Variants in RIMS2 observed in about 807,000 individuals in gnomAD.
RIMS2 encodes regulating synaptic membrane exocytosis protein 2.
RIMS2 carries 59 observed loss-of-function variants against 174.4 expected under a neutral mutation model. That is an observed-to-expected ratio of 0.34 (90% confidence interval 0.27 to 0.42). The LOEUF is 0.42. Among genes scored for constraint, RIMS2 ranks in the 10% least tolerant of loss-of-function variants. RIMS2 has a pLI of 1.00. For synonymous variants in RIMS2, 606 were observed against 572.5 expected (o/e 1.06, Z -0.84); for missense variants, 1,620 against 1,666.3 (o/e 0.97, Z 0.48).
intron 1 of RIMS2, among the ~76,000 whole-genome samples, chr8:103,623,324 C>T (rs930403240): frequency 1.3e-5 from 2 of 151,972 alleles, no homozygotes; most frequent in Admixed American, 6.5e-5. Context: ...AATTAAAGTA[C>T]AGAACACATT....
At chr8:103,599,906 A>G (rs541998614) in intron 1 of RIMS2, among the ~76,000 whole-genome samples, 7 of 151,966 alleles carry the variant, frequency 4.6e-5, no homozygotes, top group African/African-American at 1.7e-4. Flanking sequence ...ATCCAATTAT[A>G]CTCTTGTAGT....
intron 19 of RIMS2, among the ~76,000 whole-genome samples, chr8:104,051,166 G>T (rs896296775): frequency 6.6e-6 from 1 of 151,994 alleles, no homozygotes; most frequent in Non-Finnish European, 1.5e-5. Context: ...TTGAGCCTAG[G>T]AGTTGGAGGC....
At chr8:104,235,619 T>C (rs1202434745) in intron 19 of RIMS2, among the ~76,000 whole-genome samples, 1 of 152,092 alleles carries the variant, frequency 6.6e-6, no homozygotes, top group Non-Finnish European at 1.5e-5. Flanking sequence ...ACAGACGTTA[T>C]TGACTTTATC....
exon 3 of RIMS2, chr8:103,766,481 T>A: frequency 6.2e-7 from 1 of 1,613,924 alleles, no homozygotes; most frequent in South Asian, 1.1e-5. Flanking sequence ...GACAGCATTC[T>A]ATTAAAAATG....
chr8:103,934,944 G>A (rs930231991), intron 12 of RIMS2, among the ~76,000 whole-genome samples: 3 of 151,928 alleles, frequency 2.0e-5, no homozygotes, highest in East Asian at 1.9e-4. Flanking sequence ...TGATCCACCC[G>A]CCTCGGCCTC....
chr8:103,650,278 T>A (rs771942803), intron 1 of RIMS2, among the ~76,000 whole-genome samples: 1 of 152,188 alleles, frequency 6.6e-6, no homozygotes, highest in Non-Finnish European at 1.5e-5. Context: ...CCAGCGAAGA[T>A]GGCAGCCTTC....
intron 12 of RIMS2, 150 bp downstream of exon 14, chr8:103,931,543 A>G: frequency 4.3e-6 from 2 of 464,492 alleles, no homozygotes; most frequent in Non-Finnish European, 3.6e-6. Context: ...GAAACAAAAT[A>G]GTGACAGTAA....
chr8:103,990,730 C>A (rs957392913), intron 17 of RIMS2, among the ~76,000 whole-genome samples: 7 of 151,908 alleles, frequency 4.6e-5, no homozygotes, highest in Non-Finnish European at 1.0e-4. Flanking sequence ...GTCATAAAAT[C>A]CTTGTTCCTT....
At chr8:103,903,781 T>C (rs2073768457) in intron 4 of RIMS2, among the ~76,000 whole-genome samples, 1 of 152,162 alleles carries the variant, frequency 6.6e-6, no homozygotes, top group African/African-American at 2.4e-5. Flanking sequence ...GCCTTTTCTT[T>C]GAACACCTGT....
intron 4 of RIMS2, among the ~76,000 whole-genome samples, chr8:103,896,377 G>A: frequency 6.6e-6 from 1 of 151,590 alleles, no homozygotes; most frequent in East Asian, 1.9e-4. Flanking sequence ...ATGTACTCTG[G>A]TAGAAGAAAG....
chr8:104,228,232 G>T (rs1335379518), intron 19 of RIMS2, among the ~76,000 whole-genome samples: 1 of 151,876 alleles, frequency 6.6e-6, no homozygotes, highest in Non-Finnish European at 1.5e-5. Flanking sequence ...GTTTCACCGT[G>T]TTAGCCAGGG....
chr8:104,208,963 A>C (rs2137542637), intron 19 of RIMS2, among the ~76,000 whole-genome samples: 1 of 152,350 alleles, frequency 6.6e-6, no homozygotes, highest in South Asian at 2.1e-4. Context: ...CTAGAAGATA[A>C]AATACTTCCT....
At chr8:103,826,321 CTTT>C (rs577712027) in intron 3 of RIMS2, among the ~76,000 whole-genome samples, 1 of 146,464 alleles carries the variant, frequency 6.8e-6, no homozygotes, top group African/African-American at 2.5e-5. Flanking sequence ...AGGCAACTAT[CTTT>C]TTTTTTTTCC....
intron 3 of RIMS2, among the ~76,000 whole-genome samples, chr8:103,864,777 A>C (rs1041146068): frequency 1.3e-5 from 2 of 152,206 alleles, no homozygotes; most frequent in African/African-American, 4.8e-5. Flanking sequence ...TAACAGTCAT[A>C]GAGTTAGAGC....
intron 3 of RIMS2, among the ~76,000 whole-genome samples, chr8:103,860,674 A>T (rs1496847): frequency 0.013 from 1,793 of 135,440 alleles, 39 homozygotes; most frequent in African/African-American, 0.053. Context: ...ACTAGAGATT[A>T]AAAAAAAAAG....
chr8:103,757,012 A>T (rs3107476), intron 2 of RIMS2, among the ~76,000 whole-genome samples: 39,325 of 96,392 alleles, frequency 0.41, 5,585 homozygotes, highest in East Asian at 0.72. Context: ...TGTGTGTGTG[A>T]GAGAGAGAGA....
chr8:103,931,326 C>A lies in RIMS2; in HGVS notation c.2308C>A (p.Leu770Ile). The A allele has an allele frequency of 3.7e-6, 6 of 1,604,560 alleles. No homozygotes were observed. Among genetic ancestry groups the A allele is most frequent in the Non-Finnish European group, 4.3e-6 (5 of 1,174,740 alleles). Residue 770 changes from leucine (L) to isoleucine (I), a missense_variant, in exon 12 of 24, where the codon CTC (leucine) becomes ATC (isoleucine). Transcript: ENST00000504942. ...AGTTACAATTTTGGGAGCAAAAGAT[C>A]TCCCTTCCAGGGAAGATGGGAGGCC...
intron 17 of RIMS2, among the ~76,000 whole-genome samples, chr8:104,000,769 A>G (rs973880028): frequency 5.9e-5 from 9 of 151,846 alleles, no homozygotes; most frequent in African/African-American, 1.4e-4. Flanking sequence ...GGGTGAAATG[A>G]TATCTCATTG....
chr8:103,658,127 G>A lies in RIMS2; in HGVS notation c.177-38959G>A, dbSNP rs941299684. Among the ~76,000 whole-genome samples, 38 of 152,184 alleles carry A rather than the reference G, an allele frequency of 2.5e-4. 1 individual carries two copies. The highest frequency in any genetic ancestry group is 2.3e-3 in the Admixed American group (35 of 15,280). Reference sequence around the variant, plus strand: ...GTGAAGAAAATTCAAATATACAAGTGTCCTCTGGAAGGAAATTTGCTATTT... The same window carrying A: ...GTGAAGAAAATTCAAATATACAAGTATCCTCTGGAAGGAAATTTGCTATTT... On this transcript the variant is annotated intron_variant, in intron 1 of 23. Coordinates refer to ENST00000504942, the Ensembl canonical transcript of RIMS2.
Sources: allele counts gnomAD v4.1 joint callset (sites outside exome capture counted in the v4.1 genomes callset), GRCh38; gene constraint gnomAD v4.1.1; transcripts MANE v1.5; gene names NCBI Gene and HGNC (gene_info 2026-07-23, HGNC 2026-07-21).